The following STARD13 variants were observed in gnomAD, a reference collection of about 807,000 sequenced individuals.
STARD13 encodes StAR related lipid transfer domain containing 13.
In STARD13, 62 loss-of-function variants were observed where a neutral mutation model predicts 106.4. That is an observed-to-expected ratio of 0.58 (90% CI 0.48 to 0.72). The LOEUF is 0.72. STARD13 is among the 30% of genes least tolerant of loss of function. STARD13 has a pLI of 0.00. For missense variants in STARD13, 1,387 were observed against 1,424.0 expected (o/e 0.97, Z 0.42); for synonymous variants, 565 against 553.0 (o/e 1.02, Z -0.31).
chr13:33,625,425 C>G, the STARD13 span, among the ~76,000 whole-genome samples: 1 of 151,938 alleles, frequency 6.6e-6, no homozygotes, highest in East Asian at 2.0e-4. Flanking sequence ...CAAAAATTAG[C>G]TGGGTGTGGT....
chr13:33,529,154 A>C, the STARD13 span, among the ~76,000 whole-genome samples: 1 of 152,158 alleles, frequency 6.6e-6, no homozygotes, highest in Admixed American at 6.5e-5. Context: ...CTGCAAAAAA[A>C]AGGAACCAGG....
chr13:33,458,911 C>T, the STARD13 span, among the ~76,000 whole-genome samples: 2 of 150,598 alleles, frequency 1.3e-5, no homozygotes, highest in South Asian at 2.1e-4. Flanking sequence ...ACCTCTGCCT[C>T]CCAGGTTCAA....
At chr13:33,299,939 G>T (rs999312472) in intron 1 of STARD13, among the ~76,000 whole-genome samples, 1 of 152,178 alleles carries the variant, frequency 6.6e-6, no homozygotes, top group Non-Finnish European at 1.5e-5. Flanking sequence ...AATATGTTGG[G>T]TGTATATTCA....
chr13:33,147,144 T>C (rs1011590944), intron 3 of STARD13, among the ~76,000 whole-genome samples: 2 of 152,224 alleles, frequency 1.3e-5, no homozygotes, highest in Non-Finnish European at 2.9e-5. Context: ...GGCAGTTGCC[T>C]GAAATGGTAA....
the STARD13 span, among the ~76,000 whole-genome samples, chr13:33,456,655 T>C: frequency 6.6e-6 from 1 of 152,312 alleles, no homozygotes; most frequent in African/African-American, 2.4e-5. Context: ...CTTCTCTTTT[T>C]CTAAGGACAT....
chr13:33,207,411 T>C (rs1356713258), intron 1 of STARD13, among the ~76,000 whole-genome samples: 2 of 152,124 alleles, frequency 1.3e-5, no homozygotes, highest in Non-Finnish European at 2.9e-5. Context: ...GAATGAGACT[T>C]TGAACTAGAT....
chr13:33,574,230 T>C, the STARD13 span, among the ~76,000 whole-genome samples: 1 of 152,290 alleles, frequency 6.6e-6, no homozygotes, highest in South Asian at 2.1e-4. Context: ...TAAATGTTAT[T>C]CTTCCTAAAC....
intron 1 of STARD13, among the ~76,000 whole-genome samples, chr13:33,187,247 C>T (rs1174306355): frequency 6.6e-6 from 1 of 152,138 alleles, no homozygotes; most frequent in Non-Finnish European, 1.5e-5. Context: ...GGAAGGGTCC[C>T]GCTCTATCGG....
In STARD13 at chr13:33,306,209, A is replaced by G. The variant is rs888013122; in HGVS notation, c.124+44081T>C. On this transcript the variant is annotated intron_variant, in intron 1 of 5. Coordinates refer to the STARD13 transcript ENST00000567873. ...CCATATGATCTTCAACAAAGCTGAC[A>G]AAAACAAGCAATGGGGAAAGGATTC... Among the ~76,000 whole-genome samples, 11 of 152,356 alleles carry G rather than the reference A, an allele frequency of 7.2e-5. 1 individual carries two copies. The South Asian group carries it at 8.3e-4, about 11-fold the overall frequency.
the STARD13 span, among the ~76,000 whole-genome samples, chr13:33,513,398 C>G: frequency 9.2e-4 from 140 of 152,288 alleles, no homozygotes; most frequent in African/African-American, 3.2e-3. Flanking sequence ...TTTATTTTCT[C>G]TCTTCCTGAT....
chr13:33,648,372 T>C, the STARD13 span, among the ~76,000 whole-genome samples: 2 of 152,254 alleles, frequency 1.3e-5, no homozygotes, highest in East Asian at 1.9e-4. Flanking sequence ...CTTTGGGTTC[T>C]AGTACAGCGG....
chr13:33,288,895 T>C (rs190101968), upstream of STARD13, among the ~76,000 whole-genome samples: 25 of 152,378 alleles, frequency 1.6e-4, no homozygotes, highest in African/African-American at 5.0e-4. Flanking sequence ...TGTTTTATGC[T>C]AAAGTATTGC....
chr13:33,167,950 G>C (rs991198644), intron 1 of STARD13, among the ~76,000 whole-genome samples: 1 of 150,018 alleles, frequency 6.7e-6, no homozygotes, highest in East Asian at 2.0e-4. Context: ...CAGGGCACTA[G>C]GGGAAAAGAG....
the STARD13 span, among the ~76,000 whole-genome samples, chr13:33,643,401 C>T: frequency 6.6e-6 from 1 of 152,260 alleles, no homozygotes; most frequent in Non-Finnish European, 1.5e-5. Context: ...CCTGTCCTGG[C>T]CACAGCCAGC....
intron 1 of STARD13, among the ~76,000 whole-genome samples, chr13:33,194,643 C>T (rs1393349708): frequency 6.6e-6 from 1 of 152,118 alleles, no homozygotes; most frequent in Non-Finnish European, 1.5e-5. Context: ...TACTATAATG[C>T]TTTGCTTGTA....
At chr13:33,507,289 T>A in the STARD13 span, among the ~76,000 whole-genome samples, 7 of 152,130 alleles carry the variant, frequency 4.6e-5, no homozygotes, top group African/African-American at 1.7e-4. Flanking sequence ...CCAGGTTTTT[T>A]TTACATGTAA....
intron 3 of STARD13, among the ~76,000 whole-genome samples, chr13:33,142,719 A>G (rs1880001811): frequency 6.6e-6 from 1 of 152,194 alleles, no homozygotes; most frequent in Non-Finnish European, 1.5e-5. Context: ...TTGACCTTGC[A>G]TCAAGTCTAT....
intron 1 of STARD13, among the ~76,000 whole-genome samples, chr13:33,233,049 A>G (rs2138217487): frequency 6.6e-6 from 1 of 152,358 alleles, no homozygotes; most frequent in East Asian, 1.9e-4. Flanking sequence ...CTGGCACTTC[A>G]GTAACATATC....
Position 33,186,876 on chromosome 13 carries a change from T to C in STARD13, c.170-19254A>G, listed in dbSNP as rs144994502. ...ATCCAGACACCACCAAACTACCTGT[T>C]AAATCTGCCAGAAAGCCCCGCGTTC... On this transcript the variant is annotated intron_variant, in intron 1 of 13. Transcript: ENST00000336934. Among the ~76,000 whole-genome samples the C allele has an allele frequency of 3.0e-3, 460 of 152,278 alleles. 1 individual carries two copies. The highest frequency in any genetic ancestry group is 0.01 in the African/African-American group (420 of 41,560).
Sources: gnomAD v4.1 joint callset for allele counts (sites outside exome capture counted in the v4.1 genomes callset) on GRCh38, gnomAD v4.1.1 for gene constraint, MANE v1.5 for transcripts, NCBI Gene and HGNC (gene_info 2026-07-23, HGNC 2026-07-21) for gene names.